Variants in FAM118B observed in about 807,000 individuals in gnomAD.
FAM118B encodes the protein protein FAM118B.
Under a neutral mutation model 38.5 loss-of-function variants are expected in FAM118B, and 24 were observed. The observed-to-expected ratio is 0.62, with a 90% CI of 0.45 to 0.88. The LOEUF is 0.88. Ranked by LOEUF, FAM118B falls within the 40% of genes least tolerant of loss-of-function variation. FAM118B has a pLI of 0.00. For synonymous variants in FAM118B, 138 were observed against 156.3 expected, an observed-to-expected ratio of 0.88 and a Z score of 0.87; for missense variants, 334 against 420.0, an observed-to-expected ratio of 0.80 and a Z score of 1.79.
intron 1 of FAM118B, among the ~76,000 whole-genome samples, chr11:126,228,817 C>G (rs576255293): frequency 7.2e-5 from 11 of 152,286 alleles, no homozygotes; most frequent in African/African-American, 2.4e-4. Context: ...CCTTGGCCCC[C>G]CAAAGTGCTG....
chr11:126,256,536 A>C lies in FAM118B; in HGVS notation c.697-31A>C, dbSNP rs1308792000. 1.2e-6 allele frequency: 2 copies of C among 1,603,048 alleles called. No individual in the cohort carries two copies. The highest frequency in any genetic ancestry group is 8.5e-7 in the Non-Finnish European group (1 of 1,173,322). On this transcript the variant is annotated intron_variant, in intron 6 of 8. Coordinates refer to ENST00000533050, the MANE Select transcript of FAM118B (RefSeq NM_024556.4). The surrounding 1 kb of genome is among the most constrained non-coding windows in gnomAD (Gnocchi z 6.6). ...AGACTTGCCTTGAGTGTGTCTTCAC[A>C]ATGTCAATATGTTGTATCTTTTCCT...
intron 1 of FAM118B, chr11:126,214,490 G>GGTT: frequency 3.9e-5 from 1 of 25,814 alleles, no homozygotes; most frequent in Non-Finnish European, 7.4e-5. Context: ...TTTTGTTTCT[G>GGTT]TTTTTTTTTT....
At chr11:126,221,177 A>G (rs1950058384) in intron 1 of FAM118B, among the ~76,000 whole-genome samples, 1 of 152,074 alleles carries the variant, frequency 6.6e-6, no homozygotes, top group African/African-American at 2.4e-5. Flanking sequence ...ACAGAGTAAG[A>G]CTCCATCTCA....
Position 126,255,852 on chromosome 11 carries a change from C to CT in FAM118B, c.697-714dup. On this transcript the variant is annotated intron_variant, in intron 6 of 8. Transcript: ENST00000533050. This position sits in a 1 kb window ranked among gnomAD's most constrained non-coding sequence, Gnocchi z 4.6. ...CCTGTAATGCCAGCTACTTGGGAGT[C>CT]TGAGGCAGGAGAATCGCTTGAACCT... 6.6e-6 allele frequency among the ~76,000 whole-genome samples: 1 copy of CT among 152,108 alleles called. No individual in the cohort carries two copies. Among genetic ancestry groups the CT allele is most frequent in the South Asian group, 2.1e-4 (1 of 4,824 alleles).
At chr11:126,215,654 G>A (rs1406000593) in intron 1 of FAM118B, among the ~76,000 whole-genome samples, 3 of 137,208 alleles carry the variant, frequency 2.2e-5, no homozygotes, top group African/African-American at 8.1e-5. Context: ...CCAAGATCGC[G>A]CCACTGCATT....
Position 126,262,163 on chromosome 11 carries a change from C to G in FAM118B, c.*30C>G, listed in dbSNP as rs1261616002. On this transcript the variant is annotated 3_prime_UTR_variant, in exon 9 of 9. Transcript: ENST00000533050. ...GCTAGAGAAATCACCACCGTTTAGA[C>G]CAAGCTGTAAGGCCCTACTACAGAC... The G allele has an allele frequency of 6.2e-7, 1 of 1,612,344 alleles. No individual in the cohort carries two copies. Among genetic ancestry groups the G allele is most frequent in the Non-Finnish European group, 8.5e-7 (1 of 1,178,592 alleles).
In FAM118B at chr11:126,256,424, C is replaced by A; in HGVS notation, c.697-143C>A. The A allele has an allele frequency of 1.5e-6, 1 of 658,174 alleles. No homozygotes were observed. The allele number at this position is 658,174 out of a possible 1,614,324, so 40.8% of individuals were successfully genotyped here. On this transcript the variant is annotated intron_variant, in intron 6 of 8. Coordinates refer to ENST00000533050, the MANE Select transcript of FAM118B (RefSeq NM_024556.4). The surrounding 1 kb of genome is among the most constrained non-coding windows in gnomAD (Gnocchi z 6.6). ...AGTTACAGCAATAAGCAAGAGATCACACTCCTTGATGGGACATACCAACCC... is the reference window on the plus strand; with the variant it reads ...AGTTACAGCAATAAGCAAGAGATCAAACTCCTTGATGGGACATACCAACCC...
chr11:126,221,884 C>T (rs1483776167), intron 1 of FAM118B, among the ~76,000 whole-genome samples: 1 of 152,010 alleles, frequency 6.6e-6, no homozygotes, highest in African/African-American at 2.4e-5. Flanking sequence ...GGGTATTTAT[C>T]TCCCATAAAG....
At chr11:126,232,685 T>C (rs1950223350) in intron 2 of FAM118B, among the ~76,000 whole-genome samples, 2 of 151,778 alleles carry the variant, frequency 1.3e-5, no homozygotes, top group South Asian at 4.1e-4. Context: ...TTTTAAGTTT[T>C]TTAAAGTTTT....
intron 3 of FAM118B, among the ~76,000 whole-genome samples, chr11:126,240,212 A>T (rs954938922): frequency 2.0e-5 from 3 of 150,410 alleles, no homozygotes; most frequent in Non-Finnish European, 1.5e-5. Flanking sequence ...TGATTAGTTA[A>T]TGTCTTTATT....
At chr11:126,260,662 C>T (rs996999426) in intron 7 of FAM118B, 1 of 152,174 alleles carries the variant, frequency 6.6e-6, no homozygotes, top group Admixed American at 6.5e-5. Flanking sequence ...AGATCAGGAA[C>T]ATTTCAGTAA....
At chr11:126,231,493 G>T (rs970625660) in intron 2 of FAM118B, among the ~76,000 whole-genome samples, 2 of 152,086 alleles carry the variant, frequency 1.3e-5, no homozygotes, top group African/African-American at 4.8e-5. Flanking sequence ...ATGTGAGATT[G>T]TATCATGTGA....
chr11:126,261,646 T>A lies in FAM118B; in HGVS notation c.1042+162T>A, dbSNP rs552793850. ...TCTCCTACCCATTAAGGATTCTATC[T>A]TTTCCTATCAAGTCTATTACAATCT... On this transcript the variant is annotated intron_variant, in intron 8 of 8. Transcript: ENST00000533050. Among the ~76,000 whole-genome samples, 6 of 152,352 alleles carry A rather than the reference T, an allele frequency of 3.9e-5. No homozygotes were observed. In the East Asian group the frequency reaches 1.2e-3, roughly 29 times the overall value.
chr11:126,217,000 C>A (rs2135123234), intron 1 of FAM118B, among the ~76,000 whole-genome samples: 1 of 152,350 alleles, frequency 6.6e-6, no homozygotes, highest in Middle Eastern at 3.4e-3. Flanking sequence ...ATAGGGTGTG[C>A]ATGCACACAC....
At chr11:126,240,111 T>C (rs1205609354) in intron 3 of FAM118B, among the ~76,000 whole-genome samples, 1 of 152,176 alleles carries the variant, frequency 6.6e-6, no homozygotes, top group African/African-American at 2.4e-5. Context: ...TTAGCACCCA[T>C]GCTGTCTCAC....
At chr11:126,245,813 A>G (rs1237281309) in intron 4 of FAM118B, among the ~76,000 whole-genome samples, 2 of 152,158 alleles carry the variant, frequency 1.3e-5, no homozygotes, top group Non-Finnish European at 2.9e-5. Flanking sequence ...CCTGGCCAAC[A>G]TGGTGAAACC....
At chr11:126,254,896 T>C (rs1036855054) in intron 6 of FAM118B, among the ~76,000 whole-genome samples, 28 of 152,224 alleles carry the variant, frequency 1.8e-4, no homozygotes, top group African/African-American at 6.0e-4. Flanking sequence ...GTGCATGCTG[T>C]CTAGGAAATG....
chr11:126,240,953 A>G lies in FAM118B; in HGVS notation c.248A>G (p.Glu83Gly). Residue 83 changes from glutamate to glycine, a missense_variant, in exon 4 of 9, where the codon GAA becomes GGA. Coordinates refer to ENST00000533050, the MANE Select transcript of FAM118B (RefSeq NM_024556.4). ...LDAAIDFDLL[E>G]DEESKKFQKC... Reference sequence around the variant, plus strand: ...GCTGCCATTGATTTTGATCTTTTAGAAGATGAGGAGAGCAAAAAGTTTCAG... The same window carrying G: ...GCTGCCATTGATTTTGATCTTTTAGGAGATGAGGAGAGCAAAAAGTTTCAG... The G allele has an allele frequency of 6.2e-7, 1 of 1,614,178 alleles. No individual in the cohort carries two copies. Among genetic ancestry groups the G allele is most frequent in the Non-Finnish European group, 8.5e-7 (1 of 1,180,022 alleles).
rs74892607 is a variant in FAM118B at position 126,240,918 on chromosome 11, C to T, written c.213C>T (p.Ala71=). ...AATCCTGGAAGGGGTTAATTCAGGC[C>T]TTACTGGATGCTGCCATTGATTTTG... The part of the protein sequence containing the change: ...ALKSWKGLIQ[A]LLDAAIDFDL... The change falls in exon 4 of 9, where the codon GCC becomes GCT. Residue 71 remains alanine (A), a synonymous_variant. Coordinates refer to ENST00000533050, the MANE Select transcript of FAM118B (RefSeq NM_024556.4). 2 of 1,614,138 alleles carry T rather than the reference C, an allele frequency of 1.2e-6. No homozygotes were observed. The highest frequency in any genetic ancestry group is 8.5e-7 in the Non-Finnish European group (1 of 1,180,048).
Sources: gnomAD v4.1 joint callset for allele counts (sites outside exome capture counted in the v4.1 genomes callset) on GRCh38, gnomAD v4.1.1 for gene constraint, Gnocchi (gnomAD v3.1) non-coding constraint, MANE v1.5 for transcripts, NCBI Gene and HGNC (gene_info 2026-07-23, HGNC 2026-07-21) for gene names.